Variants in GSK3B observed in about 807,000 individuals in gnomAD.
The protein encoded by GSK3B is glycogen synthase kinase-3 beta.
A neutral mutation model predicts 56.4 loss-of-function variants in GSK3B; 15 were observed. The observed-to-expected ratio is 0.27, with a 90% CI of 0.18 to 0.41. GSK3B has a LOEUF of 0.41. GSK3B is among the 10% of genes least tolerant of loss of function. GSK3B has a pLI of 1.00. For synonymous variants in GSK3B, 181 were observed against 188.9 expected, an observed-to-expected ratio of 0.96 and a Z score of 0.34; for missense variants, 300 against 513.4, an observed-to-expected ratio of 0.58 and a Z score of 4.02.
At chr3:119,999,260 A>G (rs181078588) in intron 2 of GSK3B, among the ~76,000 whole-genome samples, 84 of 152,350 alleles carry the variant, frequency 5.5e-4, no homozygotes, top group Admixed American at 5.3e-3. Flanking sequence ...ATATAGAAAG[A>G]GGATGAATAC....
chr3:119,927,457 A>G (rs1254353677), intron 3 of GSK3B, among the ~76,000 whole-genome samples: 1 of 152,190 alleles, frequency 6.6e-6, no homozygotes, highest in Non-Finnish European at 1.5e-5. Context: ...TATACCGGCT[A>G]GTTGAACATG....
chr3:119,914,029 T>C (rs1469219276), intron 5 of GSK3B, among the ~76,000 whole-genome samples: 1 of 152,076 alleles, frequency 6.6e-6, no homozygotes, highest in Non-Finnish European at 1.5e-5. Context: ...AAAACGTTAA[T>C]ACCCAAGCTT....
At chr3:119,877,824 T>TACAA (rs1479348733) in intron 7 of GSK3B, among the ~76,000 whole-genome samples, 1 of 152,212 alleles carries the variant, frequency 6.6e-6, no homozygotes, top group Non-Finnish European at 1.5e-5. Flanking sequence ...GACCTGGCTG[T>TACAA]ACAAGATGGA....
At chr3:119,959,479 G>A (rs1395801827) in intron 2 of GSK3B, among the ~76,000 whole-genome samples, 1 of 145,754 alleles carries the variant, frequency 6.9e-6, no homozygotes, top group Non-Finnish European at 1.5e-5. Context: ...CAAAAACCAT[G>A]AAGTCTTGAT....
intron 8 of GSK3B, among the ~76,000 whole-genome samples, chr3:119,865,450 A>ATG (rs2056165124): frequency 5.7e-5 from 1 of 17,610 alleles, no homozygotes; most frequent in Non-Finnish European, 1.6e-4. Context: ...ATATATATAT[A>ATG]TATATATATA....
chr3:119,927,897 G>A (rs927260859), intron 3 of GSK3B, among the ~76,000 whole-genome samples: 13 of 152,154 alleles, frequency 8.5e-5, no homozygotes, highest in East Asian at 5.8e-4. Context: ...GATTAGCATC[G>A]ACAATTCAAA....
At chr3:119,878,631 C>G (rs1437433019) in intron 7 of GSK3B, among the ~76,000 whole-genome samples, 1 of 152,106 alleles carries the variant, frequency 6.6e-6, no homozygotes, top group Non-Finnish European at 1.5e-5. Flanking sequence ...GAAATGAATG[C>G]ACATGTTCAT....
At chr3:119,984,714 C>A (rs143887242) in intron 2 of GSK3B, among the ~76,000 whole-genome samples, 144 of 152,200 alleles carry the variant, frequency 9.5e-4, no homozygotes, top group African/African-American at 3.4e-3. Context: ...GAAATTGAGG[C>A]AATGATTAAT....
At chr3:120,004,527 C>A (rs1233467135) in intron 1 of GSK3B, among the ~76,000 whole-genome samples, 2 of 152,160 alleles carry the variant, frequency 1.3e-5, no homozygotes, top group East Asian at 3.9e-4. Flanking sequence ...GGCCAACAGA[C>A]ACCTCATACA....
At chr3:119,884,390 TGAGA>T (rs888754407) in intron 7 of GSK3B, among the ~76,000 whole-genome samples, 1 of 151,952 alleles carries the variant, frequency 6.6e-6, no homozygotes, top group African/African-American at 2.4e-5. Context: ...GTACTGCCAG[TGAGA>T]GAGAGAGGAG....
chr3:119,857,623 G>A (rs2056039910), intron 9 of GSK3B, among the ~76,000 whole-genome samples: 1 of 152,146 alleles, frequency 6.6e-6, no homozygotes, highest in African/African-American at 2.4e-5. Flanking sequence ...GCCCCTCAGA[G>A]TTATCCATGA....
chr3:120,031,491 C>T (rs2057975158), intron 1 of GSK3B, among the ~76,000 whole-genome samples: 1 of 152,212 alleles, frequency 6.6e-6, no homozygotes, highest in African/African-American at 2.4e-5. Context: ...TTCTCAAGTC[C>T]TTGGGTAGTC....
intron 2 of GSK3B, among the ~76,000 whole-genome samples, chr3:119,975,157 G>A (rs1410219922): frequency 6.6e-6 from 1 of 152,104 alleles, no homozygotes; most frequent in African/African-American, 2.4e-5. Flanking sequence ...AGAAAGAAAT[G>A]AGCTATCGGC....
In GSK3B at chr3:119,821,696, A is replaced by C. The variant is rs1466626526; in HGVS notation, c.*5092T>G. On this transcript the variant is annotated 3_prime_UTR_variant, in exon 11 of 11. Transcript: ENST00000264235. Reference sequence around the variant, plus strand: ...TCAGAGTTGTTTTCTTTCTTTTCTAAGCAGTGTCTGCAAAGCTTCCTCTAC... The same window carrying C: ...TCAGAGTTGTTTTCTTTCTTTTCTACGCAGTGTCTGCAAAGCTTCCTCTAC... 2 of 153,904 alleles carry C rather than the reference A, an allele frequency of 1.3e-5. No homozygotes were observed. Among genetic ancestry groups the C allele is most frequent in the Non-Finnish European group, 2.9e-5 (2 of 69,078 alleles). The allele number at this position is 153,904 out of a possible 1,614,324, so 9.5% of individuals were successfully genotyped here.
intron 1 of GSK3B, among the ~76,000 whole-genome samples, chr3:120,009,760 G>T (rs1393387552): frequency 6.6e-6 from 1 of 151,922 alleles, no homozygotes; most frequent in African/African-American, 2.4e-5. Flanking sequence ...GATGGGTGCA[G>T]CAAACCACCA....
intron 1 of GSK3B, among the ~76,000 whole-genome samples, chr3:120,076,372 G>A (rs1419570496): frequency 6.6e-6 from 1 of 152,112 alleles, no homozygotes; most frequent in Non-Finnish European, 1.5e-5. Flanking sequence ...AAACTAAAAA[G>A]CTTCTGCACA....
chr3:119,987,629 C>T (rs1035667685), intron 2 of GSK3B, among the ~76,000 whole-genome samples: 4 of 151,894 alleles, frequency 2.6e-5, no homozygotes, highest in African/African-American at 9.7e-5. Context: ...AAAGCACTAA[C>T]CTGTTCTTTA....
At chr3:119,974,546 C>T (rs1002849423) in intron 2 of GSK3B, among the ~76,000 whole-genome samples, 2 of 152,180 alleles carry the variant, frequency 1.3e-5, no homozygotes, top group African/African-American at 2.4e-5. Flanking sequence ...TCACCAGACA[C>T]TGAATCTGCC....
At chr3:119,833,963 G>A (rs574983905) in intron 10 of GSK3B, among the ~76,000 whole-genome samples, 1 of 152,184 alleles carries the variant, frequency 6.6e-6, no homozygotes, top group Admixed American at 6.5e-5. Context: ...CTCCCAAAGT[G>A]CTGGGATTGT....
Sources: gnomAD v4.1 joint callset for allele counts (sites outside exome capture counted in the v4.1 genomes callset) on GRCh38, gnomAD v4.1.1 for gene constraint, MANE v1.5 for transcripts, NCBI Gene and HGNC (gene_info 2026-07-23, HGNC 2026-07-21) for gene names.